Variants in NXPH1 observed in about 807,000 individuals in gnomAD.
NXPH1 encodes neurexophilin 1.
A neutral mutation model predicts 23.7 loss-of-function variants in NXPH1; 5 were observed. That is an observed-to-expected ratio of 0.21 (90% CI 0.11 to 0.44). NXPH1 has a LOEUF of 0.44. Among genes scored for constraint, NXPH1 ranks in the 20% least tolerant of loss-of-function variants. The pLI is 0.99. For synonymous variants in NXPH1, 144 were observed against 122.2 expected (o/e 1.18, Z -1.18); for missense variants, 324 against 321.6 (o/e 1.01, Z -0.06).
Position 8,751,573 on chromosome 7 carries a change from A to T in NXPH1, c.620A>T (p.Asn207Ile), listed in dbSNP as rs969165436. Residue 207 changes from asparagine (N) to isoleucine (I), a missense_variant, in exon 3 of 3, where the codon AAC (asparagine) becomes ATC (isoleucine). By Grantham distance (149) the Asn-to-Ile change is moderately radical (BLOSUM62 -3). Coordinates refer to ENST00000405863, the MANE Select transcript of NXPH1 (RefSeq NM_152745.3). The surrounding 1 kb of genome is among the most constrained non-coding windows in gnomAD (Gnocchi z 4.5). Reference sequence around the variant, plus strand: ...GAAAAGGTTGACAAGGCTACCAAGAACACACTCTGCAACTATGACCCTTCA... The same window carrying T: ...GAAAAGGTTGACAAGGCTACCAAGATCACACTCTGCAACTATGACCCTTCA... Reference protein sequence around the residue: ...EYEKVDKATKNTLCNYDPSKT... With the variant: ...EYEKVDKATKITLCNYDPSKT... 1 of 1,613,566 alleles carries T rather than the reference A, an allele frequency of 6.2e-7. No homozygotes were observed. The highest frequency in any genetic ancestry group is 1.7e-5 in the Admixed American group (1 of 59,840).
chr7:8,516,200 C>A (rs1020159516), intron 2 of NXPH1, among the ~76,000 whole-genome samples: 3 of 152,104 alleles, frequency 2.0e-5, no homozygotes, highest in African/African-American at 7.2e-5. Context: ...ATTTTTACCT[C>A]TTTAGCCATT....
intron 2 of NXPH1, among the ~76,000 whole-genome samples, chr7:8,636,087 T>A (rs543860401): frequency 1.3e-5 from 2 of 152,334 alleles, no homozygotes; most frequent in African/African-American, 4.8e-5. Context: ...ACTTTCTTTT[T>A]CCTTTAAAGA....
At chr7:8,703,734 C>A (rs1779662311) in intron 2 of NXPH1, among the ~76,000 whole-genome samples, 1 of 152,080 alleles carries the variant, frequency 6.6e-6, no homozygotes, top group African/African-American at 2.4e-5. Flanking sequence ...ACCCTTGTTT[C>A]AAATCACTGT....
intron 2 of NXPH1, among the ~76,000 whole-genome samples, chr7:8,716,766 C>A (rs1159217166): frequency 6.6e-6 from 1 of 152,144 alleles, no homozygotes; most frequent in Non-Finnish European, 1.5e-5. Context: ...TATGTACCAG[C>A]AATAAAATAT....
intron 2 of NXPH1, among the ~76,000 whole-genome samples, chr7:8,524,942 A>G (rs1817839210): frequency 6.6e-6 from 1 of 152,210 alleles, no homozygotes. Flanking sequence ...GTAAATTGGT[A>G]CTAGGAGTGG....
chr7:8,609,154 T>A (rs1267522622), intron 2 of NXPH1, among the ~76,000 whole-genome samples: 1 of 152,176 alleles, frequency 6.6e-6, no homozygotes, highest in Non-Finnish European at 1.5e-5. Flanking sequence ...GGTCCAAAGA[T>A]ATATCTCTGG....
chr7:8,715,436 G>C (rs1024242654), intron 2 of NXPH1, among the ~76,000 whole-genome samples: 1 of 151,594 alleles, frequency 6.6e-6, no homozygotes, highest in African/African-American at 2.4e-5. Context: ...TGTGTAGATA[G>C]TTGTTAAATT....
At chr7:8,656,948 C>T (rs903066928) in intron 2 of NXPH1, among the ~76,000 whole-genome samples, 2 of 152,194 alleles carry the variant, frequency 1.3e-5, no homozygotes, top group African/African-American at 4.8e-5. Flanking sequence ...TACAATTCTT[C>T]AGCAATGGAT....
intron 2 of NXPH1, among the ~76,000 whole-genome samples, chr7:8,500,432 T>G (rs1159357987): frequency 6.6e-6 from 1 of 152,074 alleles, no homozygotes; most frequent in Non-Finnish European, 1.5e-5. Context: ...AGCGTGGCAT[T>G]TTCTAGCTGT....
At chr7:8,490,651 T>C (rs971480362) in intron 2 of NXPH1, among the ~76,000 whole-genome samples, 2 of 152,024 alleles carry the variant, frequency 1.3e-5, no homozygotes, top group Non-Finnish European at 2.9e-5. Flanking sequence ...TGACTACAAC[T>C]GTTTACTAGT....
intron 2 of NXPH1, among the ~76,000 whole-genome samples, chr7:8,674,515 G>A (rs1438767548): frequency 2.6e-5 from 4 of 152,128 alleles, no homozygotes; most frequent in African/African-American, 9.7e-5. Context: ...GGGTGCATTC[G>A]TATGGAGAGC....
intron 2 of NXPH1, among the ~76,000 whole-genome samples, chr7:8,439,914 A>T (rs1816267035): frequency 6.6e-6 from 1 of 152,214 alleles, no homozygotes. Flanking sequence ...AAATTAAGCC[A>T]GCTGCACACT....
intron 2 of NXPH1, among the ~76,000 whole-genome samples, chr7:8,699,912 A>C (rs567645473): frequency 6.6e-6 from 1 of 152,174 alleles, no homozygotes; most frequent in Non-Finnish European, 1.5e-5. Context: ...TGTGGAAGAT[A>C]TAGAAGAAAT....
intron 2 of NXPH1, among the ~76,000 whole-genome samples, chr7:8,519,048 A>T (rs1024258239): frequency 6.6e-6 from 1 of 151,910 alleles, no homozygotes; most frequent in African/African-American, 2.4e-5. Flanking sequence ...GGCTATTGTT[A>T]TTTGTCTCCT....
intron 2 of NXPH1, among the ~76,000 whole-genome samples, chr7:8,447,069 C>T (rs368692094): frequency 6.6e-6 from 1 of 152,074 alleles, no homozygotes; most frequent in Admixed American, 6.5e-5. Context: ...CTATATGAGA[C>T]CTGTTATATT....
At chr7:8,723,420 G>A (rs937136572) in intron 2 of NXPH1, among the ~76,000 whole-genome samples, 1 of 152,156 alleles carries the variant, frequency 6.6e-6, no homozygotes, top group Admixed American at 6.5e-5. Context: ...ATTTTATTAA[G>A]TTTTGCTAAT....
At chr7:8,664,589 T>G (rs1250762858) in intron 2 of NXPH1, among the ~76,000 whole-genome samples, 1 of 152,150 alleles carries the variant, frequency 6.6e-6, no homozygotes, top group Non-Finnish European at 1.5e-5. Context: ...ATTTTTAATC[T>G]TTTGAGAAAC....
intron 2 of NXPH1, among the ~76,000 whole-genome samples, chr7:8,663,708 G>T (rs1279918033): frequency 6.6e-6 from 1 of 152,086 alleles, no homozygotes; most frequent in Non-Finnish European, 1.5e-5. Context: ...TAATCAGCCA[G>T]GGGATCCAGC....
At chr7:8,527,947 C>G (rs1817891396) in intron 2 of NXPH1, among the ~76,000 whole-genome samples, 1 of 152,168 alleles carries the variant, frequency 6.6e-6, no homozygotes. Context: ...TCTAATTGAT[C>G]ATTTGGTAGA....
Sources: gnomAD v4.1 joint callset for allele counts (sites outside exome capture counted in the v4.1 genomes callset) on GRCh38, gnomAD v4.1.1 for gene constraint, Gnocchi (gnomAD v3.1) non-coding constraint, MANE v1.5 for transcripts, NCBI Gene and HGNC (gene_info 2026-07-23, HGNC 2026-07-21) for gene names.